The following P4HA1 variants were observed in gnomAD, a reference collection of about 807,000 sequenced individuals.
P4HA1 encodes the protein prolyl 4-hydroxylase subunit alpha-1.
A neutral mutation model predicts 72.8 loss-of-function variants in P4HA1; 24 were observed. The observed-to-expected ratio is 0.33, with a 90% CI of 0.24 to 0.46. The LOEUF is 0.46. Among genes scored for constraint, P4HA1 ranks in the 20% least tolerant of loss-of-function variants. The pLI is 1.00. For synonymous variants in P4HA1, 201 were observed against 218.8 expected (o/e 0.92, Z 0.72); for missense variants, 446 against 640.6 (o/e 0.70, Z 3.28).
chr10:73,055,721 A>C (rs1841128432), intron 5 of P4HA1, among the ~76,000 whole-genome samples: 1 of 152,228 alleles, frequency 6.6e-6, no homozygotes, highest in South Asian at 2.1e-4. Context: ...ATAAATAGAA[A>C]ACACTTCAGA....
rs576610759 is a variant in P4HA1 at position 73,032,329 on chromosome 10, A to G, written c.1149-1959T>C. On this transcript the variant is annotated intron_variant, in intron 9 of 14. Coordinates refer to ENST00000394890, the MANE Select transcript of P4HA1 (RefSeq NM_001017962.3). ...TAATCTAGCTTTAGTCACTTATATC[A>G]CTCCCTCAAAATTGCTCTTGCTAAT... 2.5e-3 allele frequency among the ~76,000 whole-genome samples: 379 copies of G among 151,574 alleles called. 1 individual carries two copies. Among genetic ancestry groups the G allele is most frequent in the Non-Finnish European group, 3.6e-3 (245 of 67,884 alleles).
intron 1 of P4HA1, among the ~76,000 whole-genome samples, chr10:73,088,902 A>C (rs1841973093): frequency 6.6e-6 from 1 of 152,228 alleles, no homozygotes; most frequent in Admixed American, 6.5e-5. Flanking sequence ...GCTTTAAACT[A>C]AGTTGAAATC....
intron 13 of P4HA1, 66 bp from the exon 14 acceptor site, chr10:73,009,969 TAC>T: frequency 9.3e-6 from 8 of 864,276 alleles, no homozygotes; most frequent in South Asian, 1.5e-5. Flanking sequence ...CGGTAGTTAT[TAC>T]TTTTTTTTTT....
At chr10:73,058,112 AAAAAAAAG>A (rs1477991531) in intron 5 of P4HA1, among the ~76,000 whole-genome samples, 3 of 150,402 alleles carry the variant, frequency 2.0e-5, no homozygotes, top group African/African-American at 4.9e-5. Context: ...AAAAAAAAAA[AAAAAAAAG>A]GTGAATAAAG....
intron 5 of P4HA1, among the ~76,000 whole-genome samples, chr10:73,055,992 T>C (rs1239158299): frequency 6.6e-6 from 1 of 152,240 alleles, no homozygotes. Context: ...TAACATTAAA[T>C]GGCAAAACCT....
Position 73,072,941 on chromosome 10 carries a change from G to A in P4HA1, c.174-761C>T, listed in dbSNP as rs556929419. Among the ~76,000 whole-genome samples the A allele has an allele frequency of 5.7e-4, 86 of 152,120 alleles. No individual in the cohort carries two copies. The East Asian group carries it at 0.017, about 29-fold the overall frequency. The stretch of plus-strand genomic sequence containing the variant: ...TCCCAGCACTCTGGGAGGCTGAGGA[G>A]GGCAGATCACCTGAGGTCAGGAGTT... On this transcript the variant is annotated intron_variant, in intron 3 of 14. Coordinates refer to ENST00000394890, the MANE Select transcript of P4HA1 (RefSeq NM_001017962.3).
At chr10:73,082,009 C>A (rs1373572118) in intron 1 of P4HA1, among the ~76,000 whole-genome samples, 3 of 152,212 alleles carry the variant, frequency 2.0e-5, no homozygotes, top group African/African-American at 7.2e-5. Context: ...GAGCGAGACT[C>A]CGTCTCAAAA....
At chr10:73,069,049 A>G (rs1841489946) in intron 4 of P4HA1, 66 bp from the exon 5 acceptor site, 1 of 1,194,674 alleles carries the variant, frequency 8.4e-7, no homozygotes, top group African/African-American at 1.5e-5. Context: ...AAAGAGACTT[A>G]ATAAGGATTG....
chr10:73,057,228 C>T (rs775469051), intron 5 of P4HA1, among the ~76,000 whole-genome samples: 227 of 152,086 alleles, frequency 1.5e-3, no homozygotes, highest in Admixed American at 4.9e-3. Flanking sequence ...CGGTGGCTCA[C>T]GCCTGTAATC....
intron 5 of P4HA1, among the ~76,000 whole-genome samples, chr10:73,062,603 A>G (rs1429156752): frequency 6.6e-6 from 1 of 152,198 alleles, no homozygotes; most frequent in Non-Finnish European, 1.5e-5. Flanking sequence ...TAACATCACA[A>G]AGAAAACTGG....
intron 1 of P4HA1, among the ~76,000 whole-genome samples, chr10:73,082,834 G>A (rs1210228893): frequency 1.3e-5 from 2 of 151,990 alleles, no homozygotes; most frequent in Non-Finnish European, 2.9e-5. Context: ...TCCTAAATCA[G>A]GCCATTATAA....
In P4HA1 at chr10:73,047,089, G is replaced by A; in HGVS notation, c.913C>T (p.Gln305Ter). The change falls in exon 8 of 15, where the codon CAG becomes TAG. Residue 305 changes from glutamine (Q) to a stop codon, truncating the protein, a stop_gained. Transcript: ENST00000394890. LOFTEE classifies it high-confidence loss of function. ...TGGTAGCGGCAAAAGAGTTTTTTCTGTCTCCGAGGGGTCTAAACATAAAGT... is the reference window on the plus strand; with the variant it reads ...TGGTAGCGGCAAAAGAGTTTTTTCTATCTCCGAGGGGTCTAAACATAAAGT... ...GEGIKMTPRR[Q>*]KKLFCRYHDG... is the part of the protein sequence containing the mutation. The A allele has an allele frequency of 6.2e-7, 1 of 1,610,686 alleles. No homozygotes were observed. Among genetic ancestry groups the A allele is most frequent in the Non-Finnish European group, 8.5e-7 (1 of 1,177,034 alleles).
chr10:73,045,088 A>C (rs532437223), intron 8 of P4HA1, 37 bp from the exon 9 acceptor site: 1 of 1,556,290 alleles, frequency 6.4e-7, no homozygotes, highest in African/African-American at 1.4e-5. Context: ...GCATTACAAA[A>C]CAAAAAACTG....
At position 73,093,913 on chromosome 10, in the gene P4HA1, C is replaced by T. The variant is rs542634826; in HGVS notation, c.-33+2853G>A. Among the ~76,000 whole-genome samples the T allele has an allele frequency of 9.3e-3, 922 of 99,266 alleles. 4 individuals carry two copies. Among genetic ancestry groups the T allele is most frequent in the Middle Eastern group, 0.027 (3 of 112 alleles). The allele number at this position is 99,266 out of a possible 152,430, so 65.1% of individuals were successfully genotyped here. A position where few individuals can be genotyped will look rare whatever the true frequency, so the allele number is the denominator to read the frequency against. On this transcript the variant is annotated intron_variant, in intron 1 of 14. Transcript: ENST00000394890. ...ATATATATATATATATATATACACACACACACACACACACATACTCATTTT... is the reference window on the plus strand; with the variant it reads ...ATATATATATATATATATATACACATACACACACACACACATACTCATTTT...
rs202243570 is a variant in P4HA1, at chr10:73,053,505, C to G, written c.549G>C (p.Thr183=). The G allele has an allele frequency of 6.2e-7, 1 of 1,614,018 alleles. No individual in the cohort carries two copies. The highest frequency in any genetic ancestry group is 8.5e-7 in the Non-Finnish European group (1 of 1,179,904). The stretch of plus-strand genomic sequence containing the variant: ...TTAGGGCTTGTTCCATCCACAGTTC[C>G]GTATGGTAATAATCTGCTTCTGTAT... ...VAYTEADYYH[T]ELWMEQALRQ... The change falls in exon 6 of 15, where the codon ACG becomes ACC. Residue 183 remains threonine, a synonymous_variant. Coordinates refer to ENST00000394890, the MANE Select transcript of P4HA1 (RefSeq NM_001017962.3).
rs1841778356 is a variant in P4HA1 at position 73,079,536 on chromosome 10, GT to G, written c.-32-4622del. ...GTGGATGGATCACCTGAGGTGAGGA[GT>G]TCGAAACCAGCCTGGCCAACATGGT... On this transcript the variant is annotated intron_variant, in intron 1 of 14. Transcript: ENST00000394890. 2.6e-5 allele frequency among the ~76,000 whole-genome samples: 4 copies of G among 152,184 alleles called. No homozygotes were observed. The South Asian group carries it at 8.3e-4, about 32-fold the overall frequency.
chr10:73,047,168 G>A, intron 7 of P4HA1, 67 bp from the exon 8 acceptor site: 1 of 1,098,766 alleles, frequency 9.1e-7, no homozygotes, highest in Non-Finnish European at 1.4e-6. Flanking sequence ...CTATTCCTAT[G>A]CAGATAAGAG....
intron 9 of P4HA1, among the ~76,000 whole-genome samples, chr10:73,040,320 T>G (rs1260891690): frequency 2.0e-5 from 3 of 152,180 alleles, no homozygotes; most frequent in African/African-American, 7.2e-5. Context: ...TATTTAGTTT[T>G]TTTTTTTAAG....
At chr10:73,027,738 TGGATGCAG>T (rs1840316492) in intron 10 of P4HA1, among the ~76,000 whole-genome samples, 1 of 98,940 alleles carries the variant, frequency 1.0e-5, no homozygotes, top group South Asian at 3.5e-4. Context: ...GAGGGAAGGA[TGGATGCAG>T]GGAGGGAGGG....
Sources: gnomAD v4.1 joint callset for allele counts (sites outside exome capture counted in the v4.1 genomes callset) on GRCh38, gnomAD v4.1.1 for gene constraint, MANE v1.5 for transcripts, NCBI Gene and HGNC (gene_info 2026-07-23, HGNC 2026-07-21) for gene names.